The following GNE variants were observed in gnomAD, a reference collection of about 807,000 sequenced individuals.
GNE encodes glucosamine (UDP-N-acetyl)-2-epimerase/N-acetylmannosamine kinase.
In GNE, 41 loss-of-function variants were observed where a neutral mutation model predicts 61.8. The observed-to-expected ratio is 0.66, with a 90% confidence interval of 0.52 to 0.86. GNE has a LOEUF of 0.86. GNE is among the 40% of genes least tolerant of loss of function. The pLI is 0.00. For missense variants in GNE, 608 were observed against 909.1 expected (o/e 0.67, Z 4.26); for synonymous variants, 264 against 326.4 (o/e 0.81, Z 2.06).
intron 1 of GNE, among the ~76,000 whole-genome samples, chr9:36,269,524 G>C (rs1205899979): frequency 6.6e-6 from 1 of 150,826 alleles, no homozygotes. Context: ...TCTTTTAATG[G>C]TACTAACTTG....
chr9:36,223,414 G>A lies in GNE; in HGVS notation c.1370C>T (p.Ala457Val). Reference sequence around the variant, plus strand: ...GCAGTTCAGTTTTACAGCTTCTGCTGCAGCTTCCACACACATCTGTAGGAT... The same window carrying A: ...GCAGTTCAGTTTTACAGCTTCTGCTACAGCTTCCACACACATCTGTAGGAT... ...NLILQMCVEA[A>V]AEAVKLNCRI... Residue 457 changes from alanine to valine, a missense_variant, in exon 8 of 12, where the codon GCA becomes GTA. Transcript: ENST00000642385. 6.2e-7 allele frequency: 1 copy of A among 1,613,100 alleles called. No individual in the cohort carries two copies. Among genetic ancestry groups the A allele is most frequent in the Non-Finnish European group, 8.5e-7 (1 of 1,179,054 alleles).
chr9:36,253,795 T>G (rs1175870100), intron 1 of GNE, among the ~76,000 whole-genome samples: 1 of 151,712 alleles, frequency 6.6e-6, no homozygotes, highest in Admixed American at 6.6e-5. Flanking sequence ...CCCAGCACTT[T>G]GGGAGGCTGA....
At chr9:36,274,190 G>A (rs1674079682) in intron 1 of GNE, among the ~76,000 whole-genome samples, 1 of 151,568 alleles carries the variant, frequency 6.6e-6, no homozygotes. Flanking sequence ...CAACTTCCTA[G>A]GTTCAAGCTA....
chr9:36,233,992 C>T lies in GNE; in HGVS notation c.910G>A (p.Gly304Arg), dbSNP rs755743750. 5.0e-6 allele frequency: 8 copies of T among 1,614,204 alleles called. No individual in the cohort carries two copies. The highest frequency in any genetic ancestry group is 5.9e-6 in the Non-Finnish European group (7 of 1,180,032). Reference protein sequence around the residue: ...AGCMIGNSSCGVREVGAFGTP... With the variant: ...AGCMIGNSSCRVREVGAFGTP... ...CCAAAAGCTCCAACTTCTCGAACCC[C>T]ACAGCTGCTGTTCCCAATCATACAG... Residue 304 changes from glycine to arginine, a missense_variant, in exon 5 of 12, where the codon GGG (glycine) becomes AGG (arginine). Gly to Arg is a moderately radical substitution (Grantham distance 125). Transcript: ENST00000642385.
chr9:36,251,986 CTT>C lies in GNE; in HGVS notation c.-42-2591_-42-2590del, dbSNP rs34737463. Among the ~76,000 whole-genome samples, 719 of 134,140 alleles carry C rather than the reference CTT, an allele frequency of 5.4e-3. 7 individuals carry two copies. Among genetic ancestry groups the C allele is most frequent in the African/African-American group, 0.019 (662 of 35,644 alleles). 88.0% of individuals were successfully genotyped at this position (134,140 alleles called of 152,430 possible). On this transcript the variant is annotated intron_variant, in intron 1 of 11. Transcript: ENST00000642385. ...TCAGAAGACCCAAGCACTATCTGATCTTTTTTTTTTTTTTTTTGAGACAGAGT... is the reference window on the plus strand; with the variant it reads ...TCAGAAGACCCAAGCACTATCTGATCTTTTTTTTTTTTTTTGAGACAGAGT...
At chr9:36,231,066 T>TAAAAA (rs529903965) in intron 5 of GNE, among the ~76,000 whole-genome samples, 2,174 of 67,662 alleles carry the variant, frequency 0.032, 81 homozygotes, top group African/African-American at 0.088. Flanking sequence ...ACTGCTTCAC[T>TAAAAA]AAAAAAAAAA....
At chr9:36,229,883 T>C (rs1403447192) in intron 5 of GNE, among the ~76,000 whole-genome samples, 1 of 151,896 alleles carries the variant, frequency 6.6e-6, no homozygotes, top group Non-Finnish European at 1.5e-5. Context: ...CACATTTATA[T>C]ACGTTTATTT....
At chr9:36,261,143 C>A (rs1258743860), upstream of GNE, among the ~76,000 whole-genome samples, 1 of 152,080 alleles carries the variant, frequency 6.6e-6, no homozygotes, top group Admixed American at 6.6e-5. Context: ...TAAAAAGACC[C>A]CGGTGATTAC....
chr9:36,230,483 G>T lies in GNE; in HGVS notation c.983-1375C>A, dbSNP rs150408107. Among the ~76,000 whole-genome samples, 400 of 150,818 alleles carry T rather than the reference G, an allele frequency of 2.7e-3. 5 individuals are homozygous for T. The highest frequency in any genetic ancestry group is 0.022 in the Admixed American group (340 of 15,168). On this transcript the variant is annotated intron_variant, in intron 5 of 11. Transcript: ENST00000642385. ...TTACAAGTCTTTTTTTTTTTGAGAC[G>T]GAGTCTTGCTCTGTCACCCTGGCTG...
chr9:36,239,296 A>G (rs972788573), intron 3 of GNE, among the ~76,000 whole-genome samples: 6 of 152,014 alleles, frequency 3.9e-5, no homozygotes, highest in African/African-American at 1.5e-4. Context: ...TGGGGATTGC[A>G]TTGAATCTGT....
intron 2 of GNE, among the ~76,000 whole-genome samples, chr9:36,247,616 T>C (rs997913761): frequency 6.6e-6 from 1 of 152,190 alleles, no homozygotes; most frequent in Non-Finnish European, 1.5e-5. Flanking sequence ...CTAGTCTTCC[T>C]GTCAAAGCTT....
intron 7 of GNE, 40 bp downstream of exon 7, chr9:36,227,208 C>T: frequency 2.4e-6 from 3 of 1,262,238 alleles, no homozygotes; most frequent in East Asian, 2.3e-5. Context: ...ATCAATCGCT[C>T]ATATGGGATA....
At chr9:36,259,168 C>T (rs1161810564), upstream of GNE, among the ~76,000 whole-genome samples, 1 of 152,198 alleles carries the variant, frequency 6.6e-6, no homozygotes, top group Admixed American at 6.5e-5. Flanking sequence ...TCTTTTCTGG[C>T]TTCAGCCTTC....
At chr9:36,271,949 A>G (rs191393331) in intron 1 of GNE, among the ~76,000 whole-genome samples, 2 of 152,306 alleles carry the variant, frequency 1.3e-5, no homozygotes, top group Admixed American at 6.5e-5. Flanking sequence ...GGAGGATCAC[A>G]TCTTCTACCA....
rs1829282969 is a variant in GNE, at chr9:36,233,911, G to C, written c.982+9C>G. The C allele has an allele frequency of 6.2e-7, 1 of 1,604,900 alleles. No individual in the cohort carries two copies. The highest frequency in any genetic ancestry group is 8.5e-7 in the Non-Finnish European group (1 of 1,171,696). ...CCTAGTCAGTTGAAGTATGAGCAAAGGTAAATACCTGTTTCTCTTCCAATC... is the reference window on the plus strand; with the variant it reads ...CCTAGTCAGTTGAAGTATGAGCAAACGTAAATACCTGTTTCTCTTCCAATC... On this transcript the variant is annotated intron_variant, in intron 5 of 11. Transcript: ENST00000642385.
At chr9:36,220,230 A>G (rs1828528031) in intron 9 of GNE, among the ~76,000 whole-genome samples, 1 of 152,214 alleles carries the variant, frequency 6.6e-6, no homozygotes, top group Non-Finnish European at 1.5e-5. Flanking sequence ...CCTGTGACCC[A>G]TCTGCTTGGG....
rs180988382 is a variant in GNE, at chr9:36,274,056, C to T, written c.51+2838G>A. 2.0e-3 allele frequency among the ~76,000 whole-genome samples: 294 copies of T among 149,058 alleles called. 1 individual carries two copies. Among genetic ancestry groups the T allele is most frequent in the African/African-American group, 5.5e-3 (222 of 40,134 alleles). ...AAATTCTGCGGAAACCCAGGTGCTTCGGTCTATGGTACTGTGTGTGTGTGT... is the reference window on the plus strand; with the variant it reads ...AAATTCTGCGGAAACCCAGGTGCTTTGGTCTATGGTACTGTGTGTGTGTGT... On this transcript the variant is annotated intron_variant, in intron 1 of 11. Coordinates refer to the GNE transcript ENST00000396594.
intron 3 of GNE, among the ~76,000 whole-genome samples, chr9:36,241,822 G>A (rs1829638007): frequency 6.6e-6 from 1 of 152,028 alleles, no homozygotes; most frequent in Non-Finnish European, 1.5e-5. Flanking sequence ...CTTCCTGTAA[G>A]CAGAGTGATA....
chr9:36,219,794 G>A (rs1351965117), intron 10 of GNE, 44 bp downstream of exon 10: 2 of 1,522,128 alleles, frequency 1.3e-6, no homozygotes, highest in African/African-American at 2.7e-5. Context: ...TGAAGTACTT[G>A]TCTACTATTT....
Sources: gnomAD v4.1 joint callset for allele counts (sites outside exome capture counted in the v4.1 genomes callset) on GRCh38, gnomAD v4.1.1 for gene constraint, MANE v1.5 for transcripts, NCBI Gene and HGNC (gene_info 2026-07-23, HGNC 2026-07-21) for gene names.